The following IGF1R variants were observed in gnomAD, a reference collection of about 807,000 sequenced individuals.
The protein encoded by IGF1R is insulin-like growth factor 1 receptor.
Under a neutral mutation model 144.6 loss-of-function variants are expected in IGF1R, and 44 were observed. The observed-to-expected ratio is 0.30, with a 90% CI of 0.24 to 0.39. The LOEUF is 0.39. IGF1R is among the 10% of genes least tolerant of loss of function. IGF1R has a pLI of 1.00. For synonymous variants in IGF1R, 795 were observed against 722.8 expected (o/e 1.10, Z -1.60); for missense variants, 1,355 against 1,833.7 (o/e 0.74, Z 4.77).
At chr15:98,780,107 T>G (rs1398976793) in intron 2 of IGF1R, among the ~76,000 whole-genome samples, 3 of 151,728 alleles carry the variant, frequency 2.0e-5, no homozygotes, top group Non-Finnish European at 2.9e-5. Flanking sequence ...TTTTTTAAAT[T>G]TATGTAATAA....
chr15:98,813,637 T>C (rs1364117739), intron 2 of IGF1R, among the ~76,000 whole-genome samples: 1 of 152,244 alleles, frequency 6.6e-6, no homozygotes, highest in African/African-American at 2.4e-5. Flanking sequence ...GTCTTTTAAC[T>C]GTTGGCCTCA....
intron 2 of IGF1R, among the ~76,000 whole-genome samples, chr15:98,755,641 C>A (rs1215545508): frequency 7.3e-6 from 1 of 137,488 alleles, no homozygotes; most frequent in East Asian, 2.4e-4. Context: ...ATTGCTTGAA[C>A]CCAGGAGGCG....
chr15:98,824,277 C>G (rs1367586703), intron 2 of IGF1R: 1 of 152,228 alleles, frequency 6.6e-6, no homozygotes, highest in Non-Finnish European at 1.5e-5. Flanking sequence ...TTAGGCAGAA[C>G]TCAGGAACTT....
chr15:98,709,363 T>C (rs1314082163), intron 2 of IGF1R, among the ~76,000 whole-genome samples: 1 of 152,176 alleles, frequency 6.6e-6, no homozygotes, highest in Non-Finnish European at 1.5e-5. Flanking sequence ...TTCTGCAGAA[T>C]TGGATCAGTG....
chr15:98,753,836 T>C (rs2055082882), intron 2 of IGF1R, among the ~76,000 whole-genome samples: 1 of 152,198 alleles, frequency 6.6e-6, no homozygotes, highest in African/African-American at 2.4e-5. Context: ...CTCTCTTGTA[T>C]GTGAGTTCCT....
At chr15:98,771,277 G>A (rs747588025) in intron 2 of IGF1R, among the ~76,000 whole-genome samples, 1 of 152,102 alleles carries the variant, frequency 6.6e-6, no homozygotes, top group Non-Finnish European at 1.5e-5. Context: ...TTTACATTTA[G>A]TTCTTTGGAG....
chr15:98,734,511 G>T (rs1596248367), intron 2 of IGF1R, among the ~76,000 whole-genome samples: 1 of 152,160 alleles, frequency 6.6e-6, no homozygotes, highest in African/African-American at 2.4e-5. Context: ...TTTCGTAAAG[G>T]TGACATTAAC....
Position 98,707,581 on chromosome 15 carries a change from C to T in IGF1R, c.114C>T (p.Asp38=), listed in dbSNP as rs2053895890. ...CTTCAGTCTGCGGGCCAGGCATCGA[C>T]ATCCGCAACGACTATCAGCAGCTGA... is the stretch of plus-strand genomic sequence containing the variant. ...TSGEICGPGI[D]IRNDYQQLKR... Residue 38 remains aspartate (D), a synonymous_variant, in exon 2 of 21, where the codon GAC becomes GAT. Transcript: ENST00000650285. The surrounding 1 kb of genome is among the most constrained non-coding windows in gnomAD (Gnocchi z 6.7). 4.3e-6 allele frequency: 7 copies of T among 1,614,224 alleles called. No individual in the cohort carries two copies. The highest frequency in any genetic ancestry group is 5.9e-6 in the Non-Finnish European group (7 of 1,180,042).
At chr15:98,769,981 T>G (rs1385869892) in intron 2 of IGF1R, among the ~76,000 whole-genome samples, 1 of 152,228 alleles carries the variant, frequency 6.6e-6, no homozygotes, top group African/African-American at 2.4e-5. Flanking sequence ...TTAGCCTCTC[T>G]GTGGTCTTCG....
chr15:98,805,192 C>T (rs1025189214), intron 2 of IGF1R, among the ~76,000 whole-genome samples: 8 of 152,126 alleles, frequency 5.3e-5, no homozygotes, highest in African/African-American at 1.9e-4. Context: ...TATATACATG[C>T]AGGTGCGATT....
chr15:98,660,957 A>G (rs1361726460), intron 1 of IGF1R, among the ~76,000 whole-genome samples: 1 of 152,176 alleles, frequency 6.6e-6, no homozygotes, highest in Non-Finnish European at 1.5e-5. Flanking sequence ...GCAGAGGGCC[A>G]GGGTGGCATC....
intron 2 of IGF1R, among the ~76,000 whole-genome samples, chr15:98,758,380 C>G (rs998321072): frequency 6.6e-6 from 1 of 152,096 alleles, no homozygotes; most frequent in African/African-American, 2.4e-5. Context: ...CTGCGTCGTC[C>G]TCAGTGGGTC....
chr15:98,822,995 T>C (rs1355897532), intron 2 of IGF1R, among the ~76,000 whole-genome samples: 1 of 152,236 alleles, frequency 6.6e-6, no homozygotes, highest in Non-Finnish European at 1.5e-5. Flanking sequence ...TTGAGGATTT[T>C]TATTGAAGTC....
At position 98,962,203 on chromosome 15, in the gene IGF1R, C is replaced by T. The variant is rs572204649; in HGVS notation, c.*4761C>T. 68 of 233,346 alleles carry T rather than the reference C, an allele frequency of 2.9e-4. No homozygotes were observed. The highest frequency in any genetic ancestry group is 1.1e-3 in the African/African-American group (50 of 45,464). The allele number at this position is 233,346 out of a possible 1,614,324, so 14.5% of individuals were successfully genotyped here. A position where few individuals can be genotyped will look rare whatever the true frequency, so the allele number is the denominator to read the frequency against. On this transcript the variant is annotated 3_prime_UTR_variant, in exon 21 of 21. Transcript: ENST00000650285. ...GTTGGCTCCTTCCAGGGTGGCCAGACGGTGTTGGCCACTCCCTTCTAAAAC... is the reference window on the plus strand; with the variant it reads ...GTTGGCTCCTTCCAGGGTGGCCAGATGGTGTTGGCCACTCCCTTCTAAAAC...
intron 15 of IGF1R, among the ~76,000 whole-genome samples, chr15:98,932,518 T>C (rs748782862): frequency 3.3e-5 from 5 of 152,208 alleles, no homozygotes; most frequent in African/African-American, 4.8e-5. Flanking sequence ...ATTGAGCGTA[T>C]TGACTTCAGG....
At chr15:98,697,118 C>T (rs914912971) in intron 1 of IGF1R, among the ~76,000 whole-genome samples, 3 of 152,122 alleles carry the variant, frequency 2.0e-5, no homozygotes, top group East Asian at 1.9e-4. Flanking sequence ...GAAGGGAAGG[C>T]AGGGGCTTGC....
At chr15:98,908,387 A>G (rs991618522) in intron 5 of IGF1R, among the ~76,000 whole-genome samples, 5 of 152,198 alleles carry the variant, frequency 3.3e-5, no homozygotes, top group African/African-American at 9.7e-5. Flanking sequence ...AACCAAAGGC[A>G]TTTCTTGGGA....
At chr15:98,857,656 C>T (rs1248768101) in intron 2 of IGF1R, among the ~76,000 whole-genome samples, 2 of 152,224 alleles carry the variant, frequency 1.3e-5, no homozygotes, top group African/African-American at 2.4e-5. Context: ...CCGCTAGCCA[C>T]ATGTGGCTAT....
At position 98,963,283 on chromosome 15, in the gene IGF1R, C is replaced by T. The variant is rs1187468899; in HGVS notation, c.*5841C>T. On this transcript the variant is annotated 3_prime_UTR_variant, in exon 21 of 21. Transcript: ENST00000650285. ...ACAATATGCCAAAAAAGGATTTCTC[C>T]CTGACCCCATCCGTGGTTCACCCTC... 8.6e-6 allele frequency: 2 copies of T among 232,214 alleles called. No individual in the cohort carries two copies. The highest frequency in any genetic ancestry group is 1.2e-4 in the East Asian group (2 of 16,542). 14.4% of individuals were successfully genotyped at this position (232,214 alleles called of 1,614,324 possible).
Sources: gnomAD v4.1 joint callset for allele counts (sites outside exome capture counted in the v4.1 genomes callset) on GRCh38, gnomAD v4.1.1 for gene constraint, Gnocchi (gnomAD v3.1) non-coding constraint, MANE v1.5 for transcripts, NCBI Gene and HGNC (gene_info 2026-07-23, HGNC 2026-07-21) for gene names.